MAGI2: variants seen among roughly 807,000 people sequenced by gnomAD.
MAGI2 encodes the protein membrane associated guanylate kinase, WW and PDZ domain containing 2.
A neutral mutation model predicts 133.3 loss-of-function variants in MAGI2; 35 were observed. The ratio of observed to expected loss-of-function variants is 0.26; its 90% CI spans 0.20 to 0.35. MAGI2 has a LOEUF of 0.35. Among genes scored for constraint, MAGI2 ranks in the 10% least tolerant of loss-of-function variants. The probability of loss-of-function intolerance (pLI) is 1.00; values close to 1 mark genes in which losing one functional copy is unlikely to be tolerated. For synonymous variants in MAGI2, 729 were observed against 710.6 expected (o/e 1.03, Z -0.41); for missense variants, 1,636 against 1,863.4 (o/e 0.88, Z 2.25).
intron 1 of MAGI2, among the ~76,000 whole-genome samples, chr7:79,254,905 A>G (rs768649826): frequency 6.6e-6 from 1 of 152,172 alleles, no homozygotes; most frequent in African/African-American, 2.4e-5. Context: ...TCCAAGACTC[A>G]TTTGAAATTC....
chr7:78,282,817 G>A (rs189196293), intron 9 of MAGI2, among the ~76,000 whole-genome samples: 8 of 152,102 alleles, frequency 5.3e-5, no homozygotes, highest in South Asian at 4.1e-4. Flanking sequence ...AGGGGTGGGA[G>A]GGTCACAATA....
intron 2 of MAGI2, among the ~76,000 whole-genome samples, chr7:78,669,225 A>C (rs1172011010): frequency 6.6e-6 from 1 of 152,172 alleles, no homozygotes; most frequent in Non-Finnish European, 1.5e-5. Context: ...GAAATAAAAA[A>C]TGATAAAGGG....
intron 6 of MAGI2, among the ~76,000 whole-genome samples, chr7:78,443,299 G>C (rs1787803100): frequency 6.6e-6 from 1 of 152,124 alleles, no homozygotes; most frequent in African/African-American, 2.4e-5. Flanking sequence ...TAATACACTG[G>C]GGAGTTGCAC....
chr7:78,769,824 T>G (rs1241873314), intron 2 of MAGI2, among the ~76,000 whole-genome samples: 1 of 152,174 alleles, frequency 6.6e-6, no homozygotes, highest in Admixed American at 6.5e-5. Context: ...AGCATCTTCT[T>G]GTTATAGTCT....
intron 9 of MAGI2, among the ~76,000 whole-genome samples, chr7:78,342,127 C>G (rs551543744): frequency 4.8e-4 from 73 of 151,808 alleles, no homozygotes; most frequent in African/African-American, 1.8e-3. Flanking sequence ...AAAAAAAACC[C>G]TATGAAAAAG....
At chr7:79,249,972 C>G (rs1387294550) in intron 1 of MAGI2, among the ~76,000 whole-genome samples, 1 of 151,940 alleles carries the variant, frequency 6.6e-6, no homozygotes, top group East Asian at 1.9e-4. Context: ...CAGATTTATC[C>G]CTTGGAAGCA....
At chr7:78,731,330 T>C (rs1459750859) in intron 2 of MAGI2, among the ~76,000 whole-genome samples, 1 of 152,138 alleles carries the variant, frequency 6.6e-6, no homozygotes. Flanking sequence ...GTGTCTACTT[T>C]ATTGATCATC....
chr7:78,782,768 G>A (rs965917423), intron 2 of MAGI2, among the ~76,000 whole-genome samples: 7 of 151,996 alleles, frequency 4.6e-5, no homozygotes, highest in African/African-American at 1.4e-4. Context: ...ACGTGGTGCC[G>A]AACAGCTTTT....
At chr7:79,304,331 T>C (rs182252808) in intron 1 of MAGI2, among the ~76,000 whole-genome samples, 1 of 151,846 alleles carries the variant, frequency 6.6e-6, no homozygotes, top group Admixed American at 6.6e-5. Context: ...AAGTGGAAGC[T>C]GGGAGAGGCG....
chr7:79,395,322 A>T lies in MAGI2; in HGVS notation c.301+57698T>A, dbSNP rs557359532. ...TTGTGAGAAATGATATAATCAAAGGAAAGTGTAAAATTATAACAGAAAATG... is the reference window on the plus strand; with the variant it reads ...TTGTGAGAAATGATATAATCAAAGGTAAGTGTAAAATTATAACAGAAAATG... On this transcript the variant is annotated intron_variant, in intron 1 of 21. Transcript: ENST00000354212. Among the ~76,000 whole-genome samples the T allele has an allele frequency of 5.9e-5, 9 of 152,356 alleles. No homozygotes were observed. The South Asian group carries it at 1.9e-3, about 32-fold the overall frequency.
chr7:78,304,525 A>G lies in MAGI2; in HGVS notation c.1408+39253T>C, dbSNP rs190818240. Among the ~76,000 whole-genome samples, 186 of 152,290 alleles carry G rather than the reference A, an allele frequency of 1.2e-3. 2 individuals carry two copies. Among genetic ancestry groups the G allele is most frequent in the Middle Eastern group, 3.4e-3 (1 of 294 alleles). On this transcript the variant is annotated intron_variant, in intron 9 of 21. Transcript: ENST00000354212. The stretch of plus-strand genomic sequence containing the variant: ...TCACCTTAACCCTACTTTCATTTTT[A>G]TCTTATTTCTTCATAGCACCAATAT...
At chr7:78,134,149 G>A (rs1253877690) in intron 17 of MAGI2, 1 of 152,120 alleles carries the variant, frequency 6.6e-6, no homozygotes, top group East Asian at 1.9e-4. Flanking sequence ...AATGTCCCTT[G>A]GGGGGACAAA....
At chr7:78,802,905 G>T (rs1284846581) in intron 2 of MAGI2, among the ~76,000 whole-genome samples, 1 of 146,624 alleles carries the variant, frequency 6.8e-6, no homozygotes, top group African/African-American at 2.5e-5. Context: ...ACCTAAAACT[G>T]CTCTAAAAAC....
chr7:78,975,111 T>C (rs536624614), intron 2 of MAGI2, among the ~76,000 whole-genome samples: 1 of 151,778 alleles, frequency 6.6e-6, no homozygotes, highest in South Asian at 2.1e-4. Flanking sequence ...CTGCCAGTGA[T>C]TGAAAAACCA....
chr7:78,116,538 C>T (rs571414141), intron 20 of MAGI2, among the ~76,000 whole-genome samples: 1 of 152,258 alleles, frequency 6.6e-6, no homozygotes, highest in South Asian at 2.1e-4. Flanking sequence ...AATACCAGAA[C>T]AGTAGTCAAA....
intron 1 of MAGI2, among the ~76,000 whole-genome samples, chr7:79,265,870 T>C (rs1329064812): frequency 6.6e-6 from 1 of 152,204 alleles, no homozygotes; most frequent in African/African-American, 2.4e-5. Context: ...CTGCTTTTCC[T>C]AACCAATTTT....
chr7:78,501,528 T>C, intron 5 of MAGI2, 49 bp downstream of exon 5: 2 of 1,392,876 alleles, frequency 1.4e-6, no homozygotes, highest in Non-Finnish European at 1.0e-6. Context: ...ATCATTTATA[T>C]CCCGCTATGA....
chr7:78,218,194 G>T (rs1373303971), intron 10 of MAGI2, among the ~76,000 whole-genome samples: 2 of 152,344 alleles, frequency 1.3e-5, no homozygotes, highest in East Asian at 3.9e-4. Flanking sequence ...AATGTGCCTT[G>T]GTTGAGTCAT....
Position 78,020,097 on chromosome 7 carries a change from GCCCCCA to G in MAGI2, c.3707-127_3707-122del, listed in dbSNP as rs543412377. 4.8e-4 allele frequency: 411 copies of G among 861,188 alleles called. 2 individuals are homozygous for G. The African/African-American group carries it at 5.4e-3, about 11-fold the overall frequency. 53.3% of individuals were successfully genotyped at this position (861,188 alleles called of 1,614,324 possible). ...GCTCTCAGGGGCCGGAGCCACCGCC[GCCCCCA>G]CCCCCACCCCCACCCTCACTGCCGA... is the stretch of plus-strand genomic sequence containing the variant. On this transcript the variant is annotated intron_variant, in intron 21 of 21. Coordinates refer to ENST00000354212, the MANE Select transcript of MAGI2 (RefSeq NM_012301.4).
Sources: allele counts gnomAD v4.1 joint callset (sites outside exome capture counted in the v4.1 genomes callset), GRCh38; gene constraint gnomAD v4.1.1; transcripts MANE v1.5; gene names NCBI Gene and HGNC (gene_info 2026-07-23, HGNC 2026-07-21).